The following DPYD variants were observed in gnomAD, a reference collection of about 807,000 sequenced individuals.
DPYD encodes dihydropyrimidine dehydrogenase.
In DPYD, 109 loss-of-function variants were observed where a neutral mutation model predicts 116.2. The observed-to-expected ratio is 0.94, with a 90% CI of 0.80 to 1.10. The LOEUF is 1.10. DPYD is among the 50% of genes least tolerant of loss of function. The pLI is 0.00. For synonymous variants in DPYD, 440 were observed against 432.0 expected, an observed-to-expected ratio of 1.02 and a Z score of -0.23; for missense variants, 1,302 against 1,254.5, an observed-to-expected ratio of 1.04 and a Z score of -0.57.
chr1:97,775,004 A>G (rs546047066), intron 3 of DPYD: 5 of 306,174 alleles, frequency 1.6e-5, no homozygotes, highest in African/African-American at 2.2e-5. Flanking sequence ...AAGAAGCTCT[A>G]TGAATGCCAG....
intron 8 of DPYD, among the ~76,000 whole-genome samples, chr1:97,615,439 T>C (rs1656205942): frequency 6.6e-6 from 1 of 152,100 alleles, no homozygotes; most frequent in East Asian, 1.9e-4. Context: ...ACAAAATAAT[T>C]GGTAAGTACA....
Position 97,765,637 on chromosome 1 carries a change from T to C in DPYD, c.234-25158A>G, listed in dbSNP as rs1159971623. Reference sequence around the variant, plus strand: ...TGGCTGAGATCAGTTGAGCCCAGTGTAGACCTGCAGGACTGTCCACCTCAC... The same window carrying C: ...TGGCTGAGATCAGTTGAGCCCAGTGCAGACCTGCAGGACTGTCCACCTCAC... On this transcript the variant is annotated intron_variant, in intron 3 of 22. Coordinates refer to ENST00000370192, the MANE Select transcript of DPYD (RefSeq NM_000110.4). Among the ~76,000 whole-genome samples, 6 of 152,204 alleles carry C rather than the reference T, an allele frequency of 3.9e-5. 1 individual carries two copies. In the South Asian group the frequency reaches 8.3e-4, roughly 21 times the overall value.
intron 16 of DPYD, among the ~76,000 whole-genome samples, chr1:97,352,980 G>C (rs1294573432): frequency 6.6e-6 from 1 of 152,036 alleles, no homozygotes; most frequent in African/African-American, 2.4e-5. Context: ...GGGTGGGGGA[G>C]CCCATGAAGG....
chr1:97,440,218 C>T (rs1380110994), intron 14 of DPYD, among the ~76,000 whole-genome samples: 1 of 150,088 alleles, frequency 6.7e-6, no homozygotes, highest in Non-Finnish European at 1.5e-5. Context: ...GAGCCAATAT[C>T]ACACCATTGC....
intron 2 of DPYD, among the ~76,000 whole-genome samples, chr1:97,880,264 G>A (rs1054075214): frequency 6.6e-6 from 1 of 151,702 alleles, no homozygotes; most frequent in Non-Finnish European, 1.5e-5. Context: ...AAAACAAGAA[G>A]GAGATGTCAG....
intron 3 of DPYD, among the ~76,000 whole-genome samples, chr1:97,760,416 C>A (rs1419320859): frequency 6.6e-6 from 1 of 151,546 alleles, no homozygotes; most frequent in Admixed American, 6.6e-5. Flanking sequence ...AAATAAATTT[C>A]AAAAAATAAA....
chr1:97,423,765 T>C (rs773219453), intron 14 of DPYD, among the ~76,000 whole-genome samples: 2 of 152,150 alleles, frequency 1.3e-5, no homozygotes, highest in Non-Finnish European at 2.9e-5. Context: ...CACAGCACTG[T>C]CACTTCAGGT....
intron 12 of DPYD, among the ~76,000 whole-genome samples, chr1:97,530,243 A>G (rs1225292300): frequency 2.6e-5 from 3 of 115,584 alleles, no homozygotes; most frequent in Non-Finnish European, 4.9e-5. Flanking sequence ...TTTGAGACGG[A>G]GTCTCGCTCT....
intron 3 of DPYD, among the ~76,000 whole-genome samples, chr1:97,813,790 C>G (rs911393275): frequency 6.6e-6 from 1 of 152,056 alleles, no homozygotes; most frequent in African/African-American, 2.4e-5. Flanking sequence ...CTTTAAATAT[C>G]TGTATATAAT....
At chr1:97,377,348 C>T (rs1400969729) in intron 15 of DPYD, among the ~76,000 whole-genome samples, 2 of 152,090 alleles carry the variant, frequency 1.3e-5, no homozygotes, top group Non-Finnish European at 2.9e-5. Flanking sequence ...GTAGTAAATA[C>T]TATAAAGGTG....
intron 13 of DPYD, among the ~76,000 whole-genome samples, chr1:97,470,451 T>G (rs1677581305): frequency 6.6e-6 from 1 of 152,000 alleles, no homozygotes; most frequent in South Asian, 2.1e-4. Flanking sequence ...AAATGATTAT[T>G]ATGATTTCGT....
intron 6 of DPYD, among the ~76,000 whole-genome samples, chr1:97,692,365 T>G (rs1661053506): frequency 6.7e-6 from 1 of 149,694 alleles, no homozygotes; most frequent in African/African-American, 2.4e-5. Context: ...CAATGAGTAT[T>G]CCAAAAGTTC....
At chr1:97,596,659 T>C (rs1389916078) in intron 8 of DPYD, among the ~76,000 whole-genome samples, 2 of 152,192 alleles carry the variant, frequency 1.3e-5, no homozygotes, top group Admixed American at 1.3e-4. Flanking sequence ...TACAGAGTAA[T>C]AAGCATAGCC....
At chr1:97,257,460 G>T (rs1311464117) in intron 18 of DPYD, among the ~76,000 whole-genome samples, 5 of 136,822 alleles carry the variant, frequency 3.7e-5, no homozygotes, top group South Asian at 2.6e-4. Context: ...TATAGAGAGA[G>T]AGAAAGAGAG....
At chr1:97,485,605 CTATT>C (rs1439781172) in intron 13 of DPYD, among the ~76,000 whole-genome samples, 1 of 150,960 alleles carries the variant, frequency 6.6e-6, no homozygotes, top group Non-Finnish European at 1.5e-5. Context: ...TTCTCTTCAG[CTATT>C]TAATCAATTC....
chr1:97,726,535 C>A (rs961031663), intron 4 of DPYD, among the ~76,000 whole-genome samples: 6 of 151,396 alleles, frequency 4.0e-5, no homozygotes, highest in African/African-American at 1.5e-4. Flanking sequence ...GTATTCTTTC[C>A]TCCTCTTATA....
At chr1:97,477,668 C>T (rs904502009) in intron 13 of DPYD, among the ~76,000 whole-genome samples, 21 of 140,640 alleles carry the variant, frequency 1.5e-4, no homozygotes, top group Middle Eastern at 4.1e-3. Context: ...GGCCGGACTG[C>T]GGACTGCAGT....
intron 14 of DPYD, among the ~76,000 whole-genome samples, chr1:97,386,069 A>G (rs1672325980): frequency 1.3e-5 from 2 of 152,014 alleles, no homozygotes; most frequent in Non-Finnish European, 2.9e-5. Context: ...GGGAGGGGTG[A>G]CCACAGATGG....
chr1:97,191,867 C>T (rs1658398310), intron 20 of DPYD, among the ~76,000 whole-genome samples: 1 of 152,122 alleles, frequency 6.6e-6, no homozygotes, highest in African/African-American at 2.4e-5. Context: ...AGAACACTCA[C>T]TGTCTAAATA....
Sources: allele counts gnomAD v4.1 joint callset (sites outside exome capture counted in the v4.1 genomes callset), GRCh38; gene constraint gnomAD v4.1.1; transcripts MANE v1.5; gene names NCBI Gene and HGNC (gene_info 2026-07-23, HGNC 2026-07-21).